PKNOX2: variants seen among roughly 807,000 people sequenced by gnomAD.
The protein encoded by PKNOX2 is homeobox protein PKNOX2.
A neutral mutation model predicts 53.1 loss-of-function variants in PKNOX2; 14 were observed. The ratio of observed to expected loss-of-function variants is 0.26; its 90% CI spans 0.17 to 0.41. PKNOX2 has a LOEUF of 0.41. Ranked by LOEUF, PKNOX2 falls within the 10% of genes least tolerant of loss-of-function variation. PKNOX2 has a pLI of 1.00. For missense variants in PKNOX2, 496 were observed against 602.8 expected (o/e 0.82, Z 1.85); for synonymous variants, 257 against 242.8 (o/e 1.06, Z -0.54).
intron 2 of PKNOX2, among the ~76,000 whole-genome samples, chr11:125,279,749 C>T (rs1055623145): frequency 6.6e-5 from 10 of 152,214 alleles, no homozygotes; most frequent in African/African-American, 2.2e-4. Context: ...GTGAACGTGG[C>T]CCCAATGAGC....
intron 2 of PKNOX2, among the ~76,000 whole-genome samples, chr11:125,251,692 C>A (rs1385139225): frequency 2.6e-5 from 4 of 151,704 alleles, no homozygotes; most frequent in Non-Finnish European, 5.9e-5. Context: ...TGGTTCCCAA[C>A]CCAACCTCTC....
chr11:125,251,792 A>G (rs940893549), intron 2 of PKNOX2, among the ~76,000 whole-genome samples: 2 of 147,894 alleles, frequency 1.4e-5, no homozygotes, highest in Admixed American at 1.4e-4. Context: ...ATAAATATAT[A>G]TATATATTAT....
In PKNOX2 at chr11:125,248,046, G is replaced by A. The variant is rs990662778; in HGVS notation, c.-130+12931G>A. ...ATGTCTGTGTCTGTCCTTTTCCCCT[G>A]GGCCATGTCAGTCCTCGGTCCATGG... On this transcript the variant is annotated intron_variant, in intron 2 of 12. Coordinates refer to ENST00000298282, the MANE Select transcript of PKNOX2 (RefSeq NM_001382323.2). 9.2e-5 allele frequency among the ~76,000 whole-genome samples: 14 copies of A among 152,126 alleles called. 1 individual carries two copies.
intron 10 of PKNOX2, among the ~76,000 whole-genome samples, chr11:125,419,447 A>T (rs560577018): frequency 1.1e-5 from 1 of 92,312 alleles, no homozygotes; most frequent in South Asian, 4.0e-4. Flanking sequence ...CCCCTGAAAA[A>T]AAAAGAAAAA....
In PKNOX2 at chr11:125,240,984, A is replaced by G. The variant is rs1024486910; in HGVS notation, c.-130+5869A>G. 6.6e-6 allele frequency among the ~76,000 whole-genome samples: 1 copy of G among 152,230 alleles called. No individual in the cohort carries two copies. Among genetic ancestry groups the G allele is most frequent in the African/African-American group, 2.4e-5 (1 of 41,460 alleles). Reference sequence around the variant, plus strand: ...GAGCCTCCCGTATCTGGAGGAGCCTAGCGCTGTGCTTGCGATAGCTGGAGC... The same window carrying G: ...GAGCCTCCCGTATCTGGAGGAGCCTGGCGCTGTGCTTGCGATAGCTGGAGC... On this transcript the variant is annotated intron_variant, in intron 2 of 12. Coordinates refer to ENST00000298282, the MANE Select transcript of PKNOX2 (RefSeq NM_001382323.2). The surrounding 1 kb of genome is among the most constrained non-coding windows in gnomAD (Gnocchi z 4.3).
At chr11:125,214,688 C>T (rs1002019142) in intron 1 of PKNOX2, among the ~76,000 whole-genome samples, 1 of 152,058 alleles carries the variant, frequency 6.6e-6, no homozygotes, top group Non-Finnish European at 1.5e-5. Context: ...GCAGCCCCTG[C>T]CTGAGGGGTG....
At chr11:125,411,510 C>CTCTCTCTCTCTCTCA in intron 9 of PKNOX2, 1 of 470,160 alleles carries the variant, frequency 2.1e-6, no homozygotes, top group Non-Finnish European at 3.9e-6. Context: ...CTCTCTCTCT[C>CTCTCTCTCTCTCTCA]CCCCCCTTCC....
chr11:125,191,566 C>A (rs1003636388), intron 1 of PKNOX2, among the ~76,000 whole-genome samples: 1 of 152,286 alleles, frequency 6.6e-6, no homozygotes, highest in South Asian at 2.1e-4. Context: ...GAGCAGTAGA[C>A]GTCACAGTGC....
intron 1 of PKNOX2, among the ~76,000 whole-genome samples, chr11:125,195,884 C>CACGT (rs1491330110): frequency 5.6e-3 from 35 of 6,286 alleles, no homozygotes; most frequent in African/African-American, 0.05. Context: ...TATGTACATG[C>CACGT]ACACACACAC....
chr11:125,410,676 A>C (rs1955452701), intron 8 of PKNOX2, 103 bp from the exon 9 acceptor site: 3 of 862,128 alleles, frequency 3.5e-6, no homozygotes, highest in Non-Finnish European at 5.7e-6. Flanking sequence ...GGCTCCAAGT[A>C]GAGGGTCTTT....
At chr11:125,245,431 C>T (rs915063020) in intron 2 of PKNOX2, among the ~76,000 whole-genome samples, 5 of 152,352 alleles carry the variant, frequency 3.3e-5, no homozygotes, top group Admixed American at 6.5e-5. Flanking sequence ...GCAGAGCCAC[C>T]GGGATTCAGA....
At chr11:125,281,666 A>G (rs964555348) in intron 2 of PKNOX2, among the ~76,000 whole-genome samples, 10 of 152,230 alleles carry the variant, frequency 6.6e-5, no homozygotes, top group Non-Finnish European at 1.3e-4. Flanking sequence ...GTATTTCAGG[A>G]ACATGACTTT....
At chr11:125,284,322 A>C (rs564048831) in intron 2 of PKNOX2, among the ~76,000 whole-genome samples, 1 of 152,310 alleles carries the variant, frequency 6.6e-6, no homozygotes, top group East Asian at 1.9e-4. Context: ...TGAGAGTATG[A>C]GAGTGTCTTA....
At chr11:125,393,050 G>A (rs1023069953) in intron 6 of PKNOX2, among the ~76,000 whole-genome samples, 10 of 151,486 alleles carry the variant, frequency 6.6e-5, no homozygotes, top group Admixed American at 1.3e-4. Flanking sequence ...GGTCCCAGCT[G>A]CTTGGGAGGC....
At chr11:125,394,691 C>G (rs1374762656) in intron 6 of PKNOX2, among the ~76,000 whole-genome samples, 1 of 152,234 alleles carries the variant, frequency 6.6e-6, no homozygotes, top group East Asian at 1.9e-4. Context: ...CTCCTCTAGG[C>G]ATCCAGGAGC....
At chr11:125,205,423 C>T (rs1289260489) in intron 1 of PKNOX2, among the ~76,000 whole-genome samples, 1 of 152,204 alleles carries the variant, frequency 6.6e-6, no homozygotes, top group Non-Finnish European at 1.5e-5. Context: ...AGGCAGGCAG[C>T]TTCTTGATCA....
chr11:125,356,802 G>T (rs1450461489), intron 4 of PKNOX2, among the ~76,000 whole-genome samples: 1 of 152,244 alleles, frequency 6.6e-6, no homozygotes, highest in Non-Finnish European at 1.5e-5. Context: ...GGATCCCCAT[G>T]CTGGTTTAAT....
chr11:125,170,594 G>C (rs1455820859), intron 1 of PKNOX2, among the ~76,000 whole-genome samples: 1 of 152,212 alleles, frequency 6.6e-6, no homozygotes, highest in East Asian at 1.9e-4. Flanking sequence ...TGTCTTCAAG[G>C]GGATCTGCTG....
intron 2 of PKNOX2, among the ~76,000 whole-genome samples, chr11:125,252,097 G>A (rs542979800): frequency 5.9e-5 from 9 of 152,298 alleles, no homozygotes; most frequent in South Asian, 4.1e-4. Context: ...CACAGCGCTC[G>A]TCAAGCGGTG....
Sources: allele counts gnomAD v4.1 joint callset (sites outside exome capture counted in the v4.1 genomes callset), GRCh38; gene constraint gnomAD v4.1.1; non-coding constraint Gnocchi (gnomAD v3.1); transcripts MANE v1.5; gene names NCBI Gene and HGNC (gene_info 2026-07-23, HGNC 2026-07-21).